The following WASF2 variants were observed in gnomAD, a reference collection of about 807,000 sequenced individuals.
The protein encoded by WASF2 is actin-binding protein WASF2.
In WASF2, 14 loss-of-function variants were observed where a neutral mutation model predicts 45.0. That is an observed-to-expected ratio of 0.31 (90% CI 0.21 to 0.49). The LOEUF is 0.49. Among genes scored for constraint, WASF2 ranks in the 20% least tolerant of loss-of-function variants. The pLI is 0.99. For missense variants in WASF2, 439 were observed against 636.1 expected, an observed-to-expected ratio of 0.69 and a Z score of 3.33; for synonymous variants, 200 against 236.3, an observed-to-expected ratio of 0.85 and a Z score of 1.41.
chr1:27,479,868 AAAAC>A (rs751422817), intron 1 of WASF2, among the ~76,000 whole-genome samples: 5 of 152,338 alleles, frequency 3.3e-5, no homozygotes, highest in Middle Eastern at 3.4e-3. Context: ...CCGTCTCAAA[AAAAC>A]AAACAAACAA....
chr1:27,484,543 C>T (rs1022491526), intron 1 of WASF2, among the ~76,000 whole-genome samples: 2 of 152,076 alleles, frequency 1.3e-5, no homozygotes, highest in African/African-American at 4.8e-5. Context: ...CGCGGTGGTT[C>T]ATGCTTGTAA....
intron 1 of WASF2, among the ~76,000 whole-genome samples, chr1:27,462,772 T>C (rs2017563807): frequency 6.6e-6 from 1 of 152,208 alleles, no homozygotes. Context: ...AGAGTAAATA[T>C]AATAAGGAAT....
At chr1:27,430,063 G>A (rs2148112672) in intron 1 of WASF2, among the ~76,000 whole-genome samples, 1 of 152,266 alleles carries the variant, frequency 6.6e-6, no homozygotes, top group South Asian at 2.1e-4. Flanking sequence ...TTCTTATCCG[G>A]TGGGCTGAGC....
At chr1:27,445,325 C>T (rs777741760) in intron 1 of WASF2, among the ~76,000 whole-genome samples, 2 of 152,138 alleles carry the variant, frequency 1.3e-5, no homozygotes, top group Non-Finnish European at 2.9e-5. Flanking sequence ...GAAAGTCACA[C>T]AGACAGACAG....
In WASF2 at chr1:27,470,496, G is replaced by A. The variant is rs557235597; in HGVS notation, c.-44+19490C>T. 2.0e-5 allele frequency among the ~76,000 whole-genome samples: 3 copies of A among 152,292 alleles called. No individual in the cohort carries two copies. In the South Asian group the frequency reaches 6.2e-4, roughly 32 times the overall value. ...ACAAGCAGGAGTTGAGAAGTCAACAGTAACTAAGATTTTACAACTGGATGA... is the reference window on the plus strand; with the variant it reads ...ACAAGCAGGAGTTGAGAAGTCAACAATAACTAAGATTTTACAACTGGATGA... On this transcript the variant is annotated intron_variant, in intron 1 of 8. Coordinates refer to ENST00000618852, the MANE Select transcript of WASF2 (RefSeq NM_006990.5).
intron 1 of WASF2, among the ~76,000 whole-genome samples, chr1:27,449,229 T>A (rs1308138472): frequency 6.6e-6 from 1 of 152,068 alleles, no homozygotes; most frequent in Non-Finnish European, 1.5e-5. Context: ...AGACTGTGAG[T>A]TCTCTGAGGC....
At chr1:27,427,169 C>A (rs954387984) in intron 2 of WASF2, among the ~76,000 whole-genome samples, 4 of 152,172 alleles carry the variant, frequency 2.6e-5, no homozygotes, top group African/African-American at 7.2e-5. Flanking sequence ...TTAGCCCCCA[C>A]AATGTAAGAA....
intron 2 of WASF2, 46 bp from the exon 3 acceptor site, chr1:27,419,134 T>C (rs769542233): frequency 6.2e-7 from 1 of 1,602,812 alleles, no homozygotes; most frequent in South Asian, 1.1e-5. Context: ...AGAAGTAACG[T>C]AAATGGTCAC....
chr1:27,413,095 C>T (rs920253136), intron 6 of WASF2, among the ~76,000 whole-genome samples: 1 of 152,110 alleles, frequency 6.6e-6, no homozygotes, highest in Non-Finnish European at 1.5e-5. Flanking sequence ...AAATGTGAAG[C>T]CAAGTCTCAG....
At chr1:27,419,899 T>A (rs1012619167) in intron 2 of WASF2, among the ~76,000 whole-genome samples, 1 of 152,086 alleles carries the variant, frequency 6.6e-6, no homozygotes, top group Non-Finnish European at 1.5e-5. Context: ...GTTTTATAAC[T>A]TATAATTTTT....
At chr1:27,482,873 C>G (rs967330414) in intron 1 of WASF2, among the ~76,000 whole-genome samples, 3 of 152,100 alleles carry the variant, frequency 2.0e-5, no homozygotes, top group East Asian at 1.9e-4. Flanking sequence ...TAGCTCACAA[C>G]AGGGAGAAAT....
intron 2 of WASF2, among the ~76,000 whole-genome samples, chr1:27,428,489 G>GC (rs2148111752): frequency 6.6e-6 from 1 of 152,296 alleles, no homozygotes. Flanking sequence ...TTTTGCTGCA[G>GC]CCCTTCCTGC....
Position 27,410,235 on chromosome 1 carries a change from C to T in WASF2, c.825-29G>A. On this transcript the variant is annotated intron_variant, in intron 7 of 8. Transcript: ENST00000618852. The surrounding 1 kb of genome is among the most constrained non-coding windows in gnomAD (Gnocchi z 4.2). ...AAAGGCCAAAGAAAAAAAGACTCAC[C>T]ATCACCCTTAGAATGCAGACACCTA... 1 of 1,613,050 alleles carries T rather than the reference C, an allele frequency of 6.2e-7. No homozygotes were observed. Among genetic ancestry groups the T allele is most frequent in the Non-Finnish European group, 8.5e-7 (1 of 1,179,506 alleles).
At chr1:27,413,921 T>A (rs1198128840) in intron 6 of WASF2, among the ~76,000 whole-genome samples, 2 of 152,216 alleles carry the variant, frequency 1.3e-5, no homozygotes, top group African/African-American at 4.8e-5. Flanking sequence ...TCATCACTCT[T>A]TAAAGCAGAT....
chr1:27,488,503 C>A (rs2017977651), intron 1 of WASF2, among the ~76,000 whole-genome samples: 1 of 152,144 alleles, frequency 6.6e-6, no homozygotes, highest in African/African-American at 2.4e-5. Context: ...CACTCTGAAC[C>A]AAAGTCTAGT....
intron 1 of WASF2, chr1:27,457,454 G>C (rs573055495): frequency 6.6e-6 from 1 of 152,154 alleles, no homozygotes; most frequent in East Asian, 1.9e-4. Flanking sequence ...GCTGACGCCT[G>C]TAGTCCCAGC....
chr1:27,455,225 A>C (rs974600024), intron 1 of WASF2, among the ~76,000 whole-genome samples: 1 of 151,828 alleles, frequency 6.6e-6, no homozygotes, highest in African/African-American at 2.4e-5. Flanking sequence ...TGAGCACCCC[A>C]CCCCTTTTCA....
intron 1 of WASF2, among the ~76,000 whole-genome samples, chr1:27,480,848 A>T (rs2017838172): frequency 6.6e-6 from 1 of 151,992 alleles, no homozygotes; most frequent in Admixed American, 6.6e-5. Flanking sequence ...CTCTACTAAA[A>T]ATACAAAAAA....
intron 1 of WASF2, among the ~76,000 whole-genome samples, chr1:27,448,063 G>A (rs913689167): frequency 3.3e-5 from 5 of 152,284 alleles, no homozygotes; most frequent in Middle Eastern, 3.4e-3. Context: ...CACACACCCC[G>A]CGGGAGGATG....
Sources: allele counts gnomAD v4.1 joint callset (sites outside exome capture counted in the v4.1 genomes callset), GRCh38; gene constraint gnomAD v4.1.1; non-coding constraint Gnocchi (gnomAD v3.1); transcripts MANE v1.5; gene names NCBI Gene and HGNC (gene_info 2026-07-23, HGNC 2026-07-21).